Variants in AHSA1 observed in about 807,000 individuals in gnomAD.
AHSA1 encodes the protein activator of HSP90 ATPase activity 1, also known as activator of 90 kDa heat shock protein ATPase homolog 1.
Under a neutral mutation model 46.1 loss-of-function variants are expected in AHSA1, and 14 were observed. That is an observed-to-expected ratio of 0.30 (90% CI 0.20 to 0.47). The LOEUF (loss-of-function observed/expected upper bound fraction) is 0.47. Ranked by LOEUF, AHSA1 falls within the 20% of genes least tolerant of loss-of-function variation. The probability of loss-of-function intolerance (pLI) is 0.99; values close to 1 mark genes in which losing one functional copy is unlikely to be tolerated. For synonymous variants in AHSA1, 147 were observed against 145.8 expected (o/e 1.01, Z -0.06); for missense variants, 333 against 415.9 (o/e 0.80, Z 1.73).
intron 2 of AHSA1, among the ~76,000 whole-genome samples, chr14:77,460,795 G>A (rs1364367108): frequency 1.3e-5 from 2 of 151,464 alleles, no homozygotes; most frequent in Non-Finnish European, 2.9e-5. Flanking sequence ...GTGTCTGGCC[G>A]ACGCTTTTTT....
chr14:77,469,031 G>C (rs755011987), intron 8 of AHSA1, 46 bp from the exon 9 acceptor site: 3 of 1,604,156 alleles, frequency 1.9e-6, no homozygotes, highest in African/African-American at 2.7e-5. Flanking sequence ...CTTAAACTCA[G>C]ATGGAAACCT....
chr14:77,458,327 G>A, intron 1 of AHSA1, 58 bp downstream of exon 1: 1 of 1,522,994 alleles, frequency 6.6e-7, no homozygotes, highest in South Asian at 1.2e-5. Context: ...CAGGGTTTCA[G>A]GGTTCCTAGA....
At chr14:77,460,780 G>A (rs559095365) in intron 2 of AHSA1, among the ~76,000 whole-genome samples, 2 of 151,372 alleles carry the variant, frequency 1.3e-5, no homozygotes, top group Non-Finnish European at 2.9e-5. Flanking sequence ...GGCTGGTCTC[G>A]AACTGTGTCT....
intron 3 of AHSA1, 116 bp from the exon 4 acceptor site, chr14:77,462,526 A>G (rs1168162384): frequency 3.2e-6 from 3 of 952,350 alleles, no homozygotes; most frequent in East Asian, 2.4e-5. Context: ...CGAATACCGC[A>G]GTACTCATGC....
intron 4 of AHSA1, 187 bp downstream of exon 4, chr14:77,462,946 T>G: frequency 1.9e-6 from 1 of 532,860 alleles, no homozygotes; most frequent in South Asian, 1.9e-5. Context: ...TGCCTAATAA[T>G]GATGGTTGAG....
intron 4 of AHSA1, 168 bp downstream of exon 4, chr14:77,462,927 G>A (rs1594939311): frequency 1.7e-6 from 1 of 587,926 alleles, no homozygotes; most frequent in South Asian, 1.8e-5. Context: ...GAAAGATCTG[G>A]AGCTGTGTTG....
intron 5 of AHSA1, among the ~76,000 whole-genome samples, chr14:77,464,897 A>G (rs1257922730): frequency 1.3e-5 from 2 of 152,184 alleles, no homozygotes; most frequent in African/African-American, 2.4e-5. Flanking sequence ...CTTTAGAGCA[A>G]GTAGGAGCTA....
rs1395521119 is a variant in AHSA1, at chr14:77,468,086, G to A, written c.694G>A (p.Val232Met). 1 of 1,376,038 alleles carries A rather than the reference G, an allele frequency of 7.3e-7. No individual in the cohort carries two copies. The highest frequency in any genetic ancestry group is 2.6e-5 in the East Asian group (1 of 38,920). 85.2% of individuals were successfully genotyped at this position (1,376,038 alleles called of 1,614,324 possible). Residue 232 changes from valine to methionine, a missense_variant, in exon 7 of 9, where the codon GTG becomes ATG. By Grantham distance (21) the Val-to-Met change is conservative (BLOSUM62 1). Coordinates refer to ENST00000216479, the MANE Select transcript of AHSA1 (RefSeq NM_012111.3). ...LYRVFTTQELVQAFTHAPATL... is the reference protein window; with the variant it reads ...LYRVFTTQELMQAFTHAPATL... ...TTTTTTTTTTTTTTCCCTGCAGCTGGTGCAGGCCTTTACCCATGCTCCTGC... is the reference window on the plus strand; with the variant it reads ...TTTTTTTTTTTTTTCCCTGCAGCTGATGCAGGCCTTTACCCATGCTCCTGC...
Position 77,462,144 on chromosome 14 carries a change from G to T in AHSA1, c.272-16G>T, listed in dbSNP as rs759260554. 1.3e-6 allele frequency: 2 copies of T among 1,584,940 alleles called. No homozygotes were observed. The highest frequency in any genetic ancestry group is 1.7e-6 in the Non-Finnish European group (2 of 1,153,530). ...TGCCAAGGAGTGGACTAATGACATTGCATTGGTTTTGACAGGTACTTCTAA... is the reference window on the plus strand; with the variant it reads ...TGCCAAGGAGTGGACTAATGACATTTCATTGGTTTTGACAGGTACTTCTAA... On this transcript the variant is annotated splice_polypyrimidine_tract_variant and intron_variant, in intron 2 of 8. Transcript: ENST00000216479.
chr14:77,462,551 T>A, intron 3 of AHSA1, 91 bp from the exon 4 acceptor site: 2 of 1,179,682 alleles, frequency 1.7e-6, no homozygotes, highest in Non-Finnish European at 2.5e-6. Flanking sequence ...CCTTTGGAAA[T>A]GTCAGCAGTC....
chr14:77,466,103 C>T (rs1254368576), intron 6 of AHSA1, among the ~76,000 whole-genome samples: 1 of 152,200 alleles, frequency 6.6e-6, no homozygotes, highest in Non-Finnish European at 1.5e-5. Flanking sequence ...TCCCAAAGTG[C>T]TGGGATTACA....
intron 2 of AHSA1, chr14:77,460,114 T>A: frequency 2.6e-6 from 1 of 378,756 alleles, no homozygotes; most frequent in Non-Finnish European, 4.9e-6. Flanking sequence ...ATGTATCTTG[T>A]GAGTGATTTA....
chr14:77,469,016 C>G lies in AHSA1; in HGVS notation c.845-61C>G, dbSNP rs754015842. The G allele has an allele frequency of 2.5e-6, 4 of 1,588,030 alleles. No homozygotes were observed. In the South Asian group the frequency reaches 4.6e-5, roughly 18 times the overall value. ...AGCCACCACGCCCAGCCAGGTTGCC[C>G]CAGTCTTAAACTCAGATGGAAACCT... On this transcript the variant is annotated intron_variant, in intron 8 of 8. Transcript: ENST00000216479.
chr14:77,464,631 A>G lies in AHSA1; in HGVS notation c.506A>G (p.Asn169Ser), dbSNP rs1215133318. The G allele has an allele frequency of 6.2e-7, 1 of 1,613,978 alleles. No homozygotes were observed. Among genetic ancestry groups the G allele is most frequent in the Non-Finnish European group, 8.5e-7 (1 of 1,180,002 alleles). Residue 169 changes from asparagine (N) to serine (S), a missense_variant, in exon 5 of 9, where the codon AAT becomes AGT. Physicochemically the swap from Asn to Ser is conservative, Grantham distance 46 (BLOSUM62 1). Coordinates refer to ENST00000216479, the MANE Select transcript of AHSA1 (RefSeq NM_012111.3). ...CAGGGCATGATCTTACCTACAATGA[A>G]TGGAGAGTCAGTAGACCCAGTGGGG... ...FTQGMILPTM[N>S]GESVDPVGQP... is the part of the protein sequence containing the mutation.
Position 77,459,228 on chromosome 14 carries a change from C to G in AHSA1, c.81-388C>G, listed in dbSNP as rs1440221066. On this transcript the variant is annotated intron_variant, in intron 1 of 8. Coordinates refer to ENST00000216479, the MANE Select transcript of AHSA1 (RefSeq NM_012111.3). ...TGAGGTCAGGGTTATTGGTTTAATC[C>G]TTTCTGGGCCTTTTAGCTAAGTACT... Among the ~76,000 whole-genome samples the G allele has an allele frequency of 2.6e-5, 4 of 152,236 alleles. No individual in the cohort carries two copies. In the East Asian group the frequency reaches 7.7e-4, roughly 29 times the overall value.
chr14:77,461,031 T>C (rs934167941), intron 2 of AHSA1, among the ~76,000 whole-genome samples: 91 of 151,738 alleles, frequency 6.0e-4, no homozygotes, highest in African/African-American at 1.6e-3. Context: ...TGGTGGCATG[T>C]GCCTGTAGTC....
chr14:77,460,719 G>A (rs967488045), intron 2 of AHSA1, among the ~76,000 whole-genome samples: 3 of 151,004 alleles, frequency 2.0e-5, no homozygotes, highest in Non-Finnish European at 3.0e-5. Flanking sequence ...CCGCCACCAC[G>A]CCCGGCTAAT....
At chr14:77,466,781 A>G (rs562093970) in intron 6 of AHSA1, among the ~76,000 whole-genome samples, 1 of 152,258 alleles carries the variant, frequency 6.6e-6, no homozygotes, top group Admixed American at 6.5e-5. Flanking sequence ...TGGCTATGCC[A>G]AAGACTGCAT....
At chr14:77,460,428 A>G (rs1485586776) in intron 2 of AHSA1, among the ~76,000 whole-genome samples, 1 of 137,758 alleles carries the variant, frequency 7.3e-6, no homozygotes, top group African/African-American at 2.8e-5. Context: ...GTGCTTTGAT[A>G]AACATTTCCG....
Sources: allele counts gnomAD v4.1 joint callset (sites outside exome capture counted in the v4.1 genomes callset), GRCh38; gene constraint gnomAD v4.1.1; transcripts MANE v1.5; gene names NCBI Gene and HGNC (gene_info 2026-07-23, HGNC 2026-07-21).